N4BP2L2: variants seen among roughly 807,000 people sequenced by gnomAD.
N4BP2L2 encodes NEDD4 binding protein 2 like 2.
In N4BP2L2, 50 loss-of-function variants were observed where a neutral mutation model predicts 56.2. That is an observed-to-expected ratio of 0.89 (90% CI 0.71 to 1.13). N4BP2L2 has a LOEUF of 1.13. Among genes scored for constraint, N4BP2L2 ranks in the 50% most tolerant of loss-of-function variants. N4BP2L2 has a pLI of 0.00. For synonymous variants in N4BP2L2, 203 were observed against 223.6 expected (o/e 0.91, Z 0.82); for missense variants, 689 against 693.8 (o/e 0.99, Z 0.08).
chr13:32,443,152 G>A (rs1428777884), exon 7 of N4BP2L2: 1 of 1,613,828 alleles, frequency 6.2e-7, no homozygotes, highest in Admixed American at 1.7e-5. Context: ...GAAGAGGTTT[G>A]TTTCTATGAA....
Position 32,436,396 on chromosome 13 carries a change from T to A in N4BP2L2, c.2200A>T (p.Lys734Ter). The change falls in exon 9 of 10, where the codon AAG (lysine) becomes TAG (stop). Residue 734 changes from lysine to a stop codon, truncating the protein, a stop_gained. Coordinates refer to the N4BP2L2 transcript ENST00000357505. LOFTEE classifies it high-confidence loss of function. ...ATTTTCATTTTTCAACCAATCTTCT[T>A]CTGTCTTTTCTAGAAATTATAATTA... 1 of 1,235,092 alleles carries A rather than the reference T, an allele frequency of 8.1e-7. No individual in the cohort carries two copies. The highest frequency in any genetic ancestry group is 1.1e-6 in the Non-Finnish European group (1 of 886,684). The allele number at this position is 1,235,092 out of a possible 1,614,324, so 76.5% of individuals were successfully genotyped here.
intron 6 of N4BP2L2, among the ~76,000 whole-genome samples, chr13:32,458,034 T>TTTTTG (rs1324850942): frequency 2.0e-5 from 3 of 151,928 alleles, no homozygotes; most frequent in Non-Finnish European, 4.4e-5. Context: ...ATTGATTTGT[T>TTTTTG]TTTTGTTTTG....
chr13:32,464,050 C>T (rs2080771157), intron 6 of N4BP2L2, among the ~76,000 whole-genome samples: 1 of 150,758 alleles, frequency 6.6e-6, no homozygotes, highest in Non-Finnish European at 1.5e-5. Context: ...GCAAAGGAAA[C>T]TACATAGGTA....
chr13:32,521,493 T>C, intron 4 of N4BP2L2, 44 bp from the exon 5 acceptor site: 1 of 1,362,434 alleles, frequency 7.3e-7, no homozygotes, highest in Non-Finnish European at 1.0e-6. Flanking sequence ...GAGAAGTACT[T>C]CTTAAAGTAA....
At chr13:32,461,318 T>A (rs1489859701) in intron 6 of N4BP2L2, among the ~76,000 whole-genome samples, 1 of 152,148 alleles carries the variant, frequency 6.6e-6, no homozygotes, top group Admixed American at 6.5e-5. Context: ...ATCAACAGGA[T>A]GAAGAGACAA....
chr13:32,531,696 A>G (rs2054843985), intron 2 of N4BP2L2, among the ~76,000 whole-genome samples: 1 of 152,202 alleles, frequency 6.6e-6, no homozygotes, highest in Admixed American at 6.5e-5. Flanking sequence ...AGGGAGAAAA[A>G]AAAGTCTCCT....
downstream of N4BP2L2, chr13:32,507,510 T>C (rs1396291408): frequency 1.3e-5 from 2 of 152,166 alleles, no homozygotes; most frequent in Non-Finnish European, 2.9e-5. Context: ...TCAGGAATAC[T>C]GCCAACGAAT....
exon 2 of N4BP2L2, chr13:32,536,060 T>C (rs113871346): frequency 6.2e-7 from 1 of 1,613,970 alleles, no homozygotes; most frequent in Non-Finnish European, 8.5e-7. Context: ...CCAGTTAACA[T>C]GACAATTATT....
At chr13:32,521,886 G>A in intron 4 of N4BP2L2, 1 of 327,296 alleles carries the variant, frequency 3.1e-6, no homozygotes, top group Non-Finnish European at 5.5e-6. Flanking sequence ...TGAGGCAGGA[G>A]AATCGCTTCA....
At chr13:32,480,158 A>G (rs181934069) in intron 6 of N4BP2L2, among the ~76,000 whole-genome samples, 246 of 152,326 alleles carry the variant, frequency 1.6e-3, no homozygotes, top group African/African-American at 5.6e-3. Context: ...AGGAACAACA[A>G]TTAGACTTCT....
chr13:32,444,545 G>A (rs1428699275), intron 6 of N4BP2L2, among the ~76,000 whole-genome samples: 1 of 152,112 alleles, frequency 6.6e-6, no homozygotes, highest in Non-Finnish European at 1.5e-5. Context: ...GGGATTACAG[G>A]CATGAGCCAC....
intron 2 of N4BP2L2, among the ~76,000 whole-genome samples, chr13:32,532,431 T>C (rs897969835): frequency 5.3e-5 from 8 of 152,260 alleles, no homozygotes; most frequent in Non-Finnish European, 7.4e-5. Flanking sequence ...TTTTTGTGAA[T>C]GATTTAAGAT....
chr13:32,536,623 T>C (rs1330562816), exon 2 of N4BP2L2: 1 of 1,613,840 alleles, frequency 6.2e-7, no homozygotes, highest in Admixed American at 1.7e-5. Flanking sequence ...CTTCATTACG[T>C]TTCTTTTTCT....
At chr13:32,444,138 A>C (rs761767385) in intron 6 of N4BP2L2, 25 of 1,469,018 alleles carry the variant, frequency 1.7e-5, no homozygotes, top group Non-Finnish European at 2.1e-5. Flanking sequence ...TGAAATATTA[A>C]AGAATTAAGA....
intron 6 of N4BP2L2, among the ~76,000 whole-genome samples, chr13:32,498,776 G>A (rs1284680725): frequency 6.6e-6 from 1 of 151,194 alleles, no homozygotes; most frequent in Admixed American, 6.6e-5. Flanking sequence ...GCTAAGGCAG[G>A]TGGATCACTT....
chr13:32,442,739 G>A, exon 7 of N4BP2L2: 2 of 1,613,052 alleles, frequency 1.2e-6, no homozygotes, highest in Non-Finnish European at 1.7e-6. Context: ...AAATTATGTA[G>A]CACAAAAGAA....
At chr13:32,482,667 TAG>T (rs1290797936) in intron 6 of N4BP2L2, among the ~76,000 whole-genome samples, 2 of 151,978 alleles carry the variant, frequency 1.3e-5, no homozygotes, top group Non-Finnish European at 2.9e-5. Context: ...TGCCTGGCCT[TAG>T]ACTCTTTACA....
intron 6 of N4BP2L2, among the ~76,000 whole-genome samples, chr13:32,491,518 T>C (rs1312086311): frequency 6.8e-6 from 1 of 148,002 alleles, no homozygotes; most frequent in Non-Finnish European, 1.5e-5. Context: ...TAATAAAAAC[T>C]GAAAAAACTA....
intron 3 of N4BP2L2, among the ~76,000 whole-genome samples, chr13:32,526,106 A>C (rs2052675700): frequency 6.6e-6 from 1 of 152,124 alleles, no homozygotes; most frequent in African/African-American, 2.4e-5. Flanking sequence ...GAAAACAAAG[A>C]AGAGGAGCAA....
Sources: gnomAD v4.1 joint callset for allele counts (sites outside exome capture counted in the v4.1 genomes callset) on GRCh38, gnomAD v4.1.1 for gene constraint, MANE v1.5 for transcripts, NCBI Gene and HGNC (gene_info 2026-07-23, HGNC 2026-07-21) for gene names.